The following DLEC1 variants were observed in gnomAD, a reference collection of about 807,000 sequenced individuals.
DLEC1 encodes DLEC1 cilia and flagella associated protein.
Under a neutral mutation model 198.1 loss-of-function variants are expected in DLEC1, and 146 were observed. That is an observed-to-expected ratio of 0.74 (90% CI 0.64 to 0.85). DLEC1 has a LOEUF of 0.85. DLEC1 is among the 40% of genes least tolerant of loss of function. The pLI, the probability that DLEC1 is intolerant of heterozygous loss-of-function variation, is 0.00. For synonymous variants in DLEC1, 897 were observed against 866.8 expected (o/e 1.03, Z -0.61); for missense variants, 2,233 against 2,220.0 (o/e 1.01, Z -0.12).
In DLEC1 at chr3:38,056,107, ACACACACAC is replaced by A. The variant is rs1559400240; in HGVS notation, c.563-3634_563-3626del. Among the ~76,000 whole-genome samples the A allele has an allele frequency of 7.3e-4, 101 of 139,214 alleles. 1 individual carries two copies. Among genetic ancestry groups the A allele is most frequent in the African/African-American group, 2.9e-3 (95 of 33,326 alleles). 91.3% of individuals were successfully genotyped at this position (139,214 alleles called of 152,430 possible). On this transcript the variant is annotated intron_variant, in intron 2 of 36. Coordinates refer to ENST00000308059, the MANE Select transcript of DLEC1 (RefSeq NM_007335.4). The stretch of plus-strand genomic sequence containing the variant: ...CACACACACACACACACACACACAC[ACACACACAC>A]AAATAGCTGAGTGTGGTGGCATGCG...
intron 1 of DLEC1, among the ~76,000 whole-genome samples, chr3:38,040,366 G>C (rs1034842195): frequency 5.9e-5 from 9 of 152,088 alleles, no homozygotes; most frequent in Non-Finnish European, 1.3e-4. Flanking sequence ...AGGCAGTGGG[G>C]ATTCAGCAGT....
rs777044988 is a variant in DLEC1 at position 38,122,460 on chromosome 3, T to C, written c.*48T>C. On this transcript the variant is annotated 3_prime_UTR_variant, in exon 37 of 37. Transcript: ENST00000308059. Reference sequence around the variant, plus strand: ...CCAGGCCCCAGCTGGAGAAAAAACATTGCCCAGGGATTAGGAGCAGCTCTT... The same window carrying C: ...CCAGGCCCCAGCTGGAGAAAAAACACTGCCCAGGGATTAGGAGCAGCTCTT... The C allele has an allele frequency of 6.2e-7, 1 of 1,613,840 alleles. No homozygotes were observed. The highest frequency in any genetic ancestry group is 8.5e-7 in the Non-Finnish European group (1 of 1,179,974).
chr3:38,054,949 A>G (rs1259472861), intron 2 of DLEC1, among the ~76,000 whole-genome samples: 1 of 152,218 alleles, frequency 6.6e-6, no homozygotes, highest in African/African-American at 2.4e-5. Flanking sequence ...AGACTAAAGG[A>G]AGGAAACAGC....
At position 38,039,258 on chromosome 3, in the gene DLEC1, T is replaced by C; in HGVS notation, c.33T>C (p.Ser11=). METRSSKTRR[S]LASRTNECQG... The stretch of plus-strand genomic sequence containing the variant: ...CCAGGAGCTCCAAAACGCGGAGGTC[T>C]TTAGCGTCCCGGACCAACGAGTGCC... Residue 11 remains serine, a synonymous_variant, in exon 1 of 37, where the codon TCT becomes TCC. Coordinates refer to ENST00000308059, the MANE Select transcript of DLEC1 (RefSeq NM_007335.4). 2 of 1,612,766 alleles carry C rather than the reference T, an allele frequency of 1.2e-6. No homozygotes were observed. The highest frequency in any genetic ancestry group is 8.5e-7 in the Non-Finnish European group (1 of 1,179,168).
At chr3:38,092,041 G>C (rs1437019794) in intron 10 of DLEC1, among the ~76,000 whole-genome samples, 1 of 152,186 alleles carries the variant, frequency 6.6e-6, no homozygotes, top group Non-Finnish European at 1.5e-5. Flanking sequence ...GCAGTGATGT[G>C]ATCATTGCTC....
intron 19 of DLEC1, among the ~76,000 whole-genome samples, chr3:38,105,175 C>T (rs1290200255): frequency 1.3e-5 from 2 of 152,018 alleles, no homozygotes; most frequent in East Asian, 3.8e-4. Flanking sequence ...TAATTATAGT[C>T]GTTTAAAACT....
chr3:38,070,044 G>T (rs1248999845), intron 6 of DLEC1, among the ~76,000 whole-genome samples: 2 of 152,154 alleles, frequency 1.3e-5, no homozygotes, highest in Non-Finnish European at 2.9e-5. Flanking sequence ...GTTTTCTAGT[G>T]TAACATTTCA....
intron 19 of DLEC1, among the ~76,000 whole-genome samples, chr3:38,102,510 G>A (rs1455653748): frequency 6.6e-6 from 1 of 152,212 alleles, no homozygotes; most frequent in Non-Finnish European, 1.5e-5. Context: ...AGATGTTGGA[G>A]TTCTTCTTTA....
At chr3:38,055,339 C>T (rs1696300605) in intron 2 of DLEC1, among the ~76,000 whole-genome samples, 1 of 152,130 alleles carries the variant, frequency 6.6e-6, no homozygotes, top group African/African-American at 2.4e-5. Context: ...TGCAGGACAC[C>T]AAGTGCAAAG....
intron 7 of DLEC1, among the ~76,000 whole-genome samples, chr3:38,084,564 G>A (rs948756731): frequency 2.4e-5 from 3 of 127,226 alleles, no homozygotes; most frequent in African/African-American, 8.9e-5. Context: ...AGTAGTAGTG[G>A]TAGTAGTAGT....
chr3:38,040,740 T>C (rs549884450), intron 1 of DLEC1, among the ~76,000 whole-genome samples: 1 of 152,388 alleles, frequency 6.6e-6, no homozygotes, highest in Non-Finnish European at 1.5e-5. Context: ...CCCAGTTCAC[T>C]GGATTCTATC....
intron 18 of DLEC1, among the ~76,000 whole-genome samples, chr3:38,099,467 T>C (rs952198949): frequency 2.0e-5 from 3 of 152,334 alleles, no homozygotes; most frequent in African/African-American, 7.2e-5. Flanking sequence ...CTCTATTCTT[T>C]TGAGCTCTCA....
chr3:38,095,229 G>A (rs1698950461), intron 13 of DLEC1, 158 bp downstream of exon 13: 3 of 777,360 alleles, frequency 3.9e-6, no homozygotes, highest in Non-Finnish European at 6.1e-6. Context: ...GTACACACCT[G>A]GTGTGCAGGG....
At chr3:38,078,380 A>G (rs1697757271) in intron 6 of DLEC1, among the ~76,000 whole-genome samples, 1 of 152,232 alleles carries the variant, frequency 6.6e-6, no homozygotes, top group Non-Finnish European at 1.5e-5. Flanking sequence ...CATGAGGGCT[A>G]GGCTAAAACA....
At chr3:38,113,681 ACT>A (rs1181014546) in intron 25 of DLEC1, among the ~76,000 whole-genome samples, 1 of 151,906 alleles carries the variant, frequency 6.6e-6, no homozygotes. Flanking sequence ...ATGGAGCAAG[ACT>A]CTGTCTCAAT....
chr3:38,093,702 C>T lies in DLEC1; in HGVS notation c.1854C>T (p.Phe618=), dbSNP rs1463771107. Residue 618 remains phenylalanine, a synonymous_variant, in exon 12 of 37, where the codon TTC becomes TTT. Transcript: ENST00000308059. The part of the protein sequence containing the change: ...GELTDLTAQH[F]IRFEPENLRS... ...TCACAGACTTAACAGCCCAGCACTT[C>T]ATACGATTTGAGCCTGAAAACCTTC... is the stretch of plus-strand genomic sequence containing the variant. 3.1e-6 allele frequency: 5 copies of T among 1,614,128 alleles called. No individual in the cohort carries two copies. The highest frequency in any genetic ancestry group is 1.7e-5 in the Admixed American group (1 of 60,010).
At chr3:38,040,072 C>CT (rs1051642397) in intron 1 of DLEC1, among the ~76,000 whole-genome samples, 1 of 152,130 alleles carries the variant, frequency 6.6e-6, no homozygotes, top group African/African-American at 2.4e-5. Flanking sequence ...AACAGCAACT[C>CT]TGCTTCCTCA....
intron 7 of DLEC1, among the ~76,000 whole-genome samples, chr3:38,085,031 G>C (rs1378019494): frequency 6.6e-6 from 1 of 152,176 alleles, no homozygotes; most frequent in African/African-American, 2.4e-5. Flanking sequence ...GCCAGGCATG[G>C]CCCCACCTGA....
At chr3:38,070,413 C>G (rs995720598) in intron 6 of DLEC1, among the ~76,000 whole-genome samples, 3 of 152,224 alleles carry the variant, frequency 2.0e-5, no homozygotes, top group African/African-American at 7.2e-5. Flanking sequence ...ACAGTTCCCA[C>G]CTTTCCTGGT....
Sources: allele counts gnomAD v4.1 joint callset (sites outside exome capture counted in the v4.1 genomes callset), GRCh38; gene constraint gnomAD v4.1.1; transcripts MANE v1.5; gene names NCBI Gene and HGNC (gene_info 2026-07-23, HGNC 2026-07-21).